Variants in EXD2 observed in about 807,000 individuals in gnomAD.
The protein encoded by EXD2 is exonuclease 3'-5' domain containing 2, also known as exonuclease 3'-5' domain-containing protein 2.
A neutral mutation model predicts 62.5 loss-of-function variants in EXD2; 40 were observed. The observed-to-expected ratio is 0.64, with a 90% CI of 0.50 to 0.83. EXD2 has a LOEUF of 0.83. Ranked by LOEUF, EXD2 falls within the 40% of genes least tolerant of loss-of-function variation. The pLI is 0.00. For synonymous variants in EXD2, 239 were observed against 291.9 expected (o/e 0.82, Z 1.85); for missense variants, 671 against 761.8 (o/e 0.88, Z 1.40).
At chr14:69,214,019 G>A (rs1222519193) in intron 3 of EXD2, 5 of 151,980 alleles carry the variant, frequency 3.3e-5, no homozygotes, top group Non-Finnish European at 1.5e-5. Flanking sequence ...TCATCATTTT[G>A]AAAATGTCTG....
intron 3 of EXD2, among the ~76,000 whole-genome samples, chr14:69,225,208 G>T (rs1209410887): frequency 6.6e-6 from 1 of 152,148 alleles, no homozygotes; most frequent in Non-Finnish European, 1.5e-5. Flanking sequence ...CAGACTAGGG[G>T]TGCTCATTAG....
chr14:69,223,689 A>G (rs996904112), intron 3 of EXD2, among the ~76,000 whole-genome samples: 1 of 152,188 alleles, frequency 6.6e-6, no homozygotes. Flanking sequence ...GAGACATTAA[A>G]TACCTTTTTG....
intron 3 of EXD2, among the ~76,000 whole-genome samples, chr14:69,218,448 A>T (rs1031980654): frequency 1.3e-5 from 2 of 152,054 alleles, no homozygotes; most frequent in African/African-American, 2.4e-5. Flanking sequence ...AGATGAGTAG[A>T]TTGCAAAAAT....
chr14:69,206,455 C>CTTTTTTTTTTTT (rs56333403), intron 2 of EXD2, among the ~76,000 whole-genome samples: 13 of 94,638 alleles, frequency 1.4e-4, no homozygotes, highest in African/African-American at 2.3e-4. Context: ...CACCCACCCA[C>CTTTTTTTTTTTT]TTTTTTTTTT....
intron 5 of EXD2, among the ~76,000 whole-genome samples, chr14:69,231,936 A>G (rs1008372704): frequency 7.1e-6 from 1 of 141,812 alleles, no homozygotes; most frequent in Non-Finnish European, 1.5e-5. Context: ...AAAAAAAAAA[A>G]GTCAGTAACT....
At chr14:69,229,601 T>C (rs2043496712) in intron 4 of EXD2, among the ~76,000 whole-genome samples, 1 of 152,308 alleles carries the variant, frequency 6.6e-6, no homozygotes, top group Admixed American at 6.5e-5. Flanking sequence ...CCTTTGAGTT[T>C]GTAGAGCCTG....
chr14:69,212,679 C>G (rs1383446199), intron 3 of EXD2, among the ~76,000 whole-genome samples: 1 of 143,230 alleles, frequency 7.0e-6, no homozygotes, highest in Non-Finnish European at 1.5e-5. Flanking sequence ...ACCACTGTCA[C>G]TTGGTTCCAA....
chr14:69,210,814 A>G (rs1392239163), intron 3 of EXD2, among the ~76,000 whole-genome samples: 3 of 151,616 alleles, frequency 2.0e-5, no homozygotes, highest in South Asian at 2.1e-4. Flanking sequence ...TGTCTCGGGG[A>G]AAAAAAAATG....
rs1037866578 is a variant in EXD2, at chr14:69,242,842, G to A, written c.*1742G>A. The A allele has an allele frequency of 6.6e-6, 1 of 152,214 alleles. No homozygotes were observed. The highest frequency in any genetic ancestry group is 2.4e-5 in the African/African-American group (1 of 41,446). The allele number at this position is 152,214 out of a possible 1,614,324, so 9.4% of individuals were successfully genotyped here. A position where few individuals can be genotyped will look rare whatever the true frequency, so the allele number is the denominator to read the frequency against. ...CTTGAGAAAAAAGCAACTGGTTACT[G>A]AACGTAACTCATGACTTATGTTTCA... On this transcript the variant is annotated 3_prime_UTR_variant, in exon 10 of 10. Coordinates refer to ENST00000685843, the MANE Select transcript of EXD2 (RefSeq NM_001193360.2).
Position 69,200,978 on chromosome 14 carries a change from G to A in EXD2, c.-131-2939G>A, listed in dbSNP as rs141010658. On this transcript the variant is annotated intron_variant, in intron 1 of 9. Coordinates refer to ENST00000685843, the MANE Select transcript of EXD2 (RefSeq NM_001193360.2). The stretch of plus-strand genomic sequence containing the variant: ...AGTCCTAGCTACTTGGGAGGCTGAG[G>A]CAGGAGAATTGCTTGAACTCGGGAG... Among the ~76,000 whole-genome samples the A allele has an allele frequency of 4.7e-3, 718 of 151,606 alleles. 1 individual carries two copies. The highest frequency in any genetic ancestry group is 0.014 in the African/African-American group (594 of 41,364).
chr14:69,199,470 CTT>C (rs1320504877), intron 1 of EXD2, among the ~76,000 whole-genome samples: 2 of 152,098 alleles, frequency 1.3e-5, no homozygotes, highest in Admixed American at 6.6e-5. Context: ...TTTACTATAA[CTT>C]TTTTATTTTA....
In EXD2 at chr14:69,237,630, C is replaced by T. The variant is rs754637120; in HGVS notation, c.1348C>T (p.His450Tyr). 6.2e-7 allele frequency: 1 copy of T among 1,614,234 alleles called. No individual in the cohort carries two copies. Among genetic ancestry groups the T allele is most frequent in the East Asian group, 2.2e-5 (1 of 44,888 alleles). The change falls in exon 9 of 10, where the codon CAC becomes TAC. Residue 450 changes from histidine to tyrosine, a missense_variant. By Grantham distance (83) the His-to-Tyr change is moderately conservative (BLOSUM62 2). Coordinates refer to ENST00000685843, the MANE Select transcript of EXD2 (RefSeq NM_001193360.2). ...RKHFPIEMKD[H>Y]NSHDVLLLCT... ...GCACTTCCCCATCGAGATGAAGGAC[C>T]ACAACTCCCACGATGTGCTGCTGCT...
At chr14:69,206,757 C>T (rs989087674) in intron 2 of EXD2, among the ~76,000 whole-genome samples, 6 of 152,198 alleles carry the variant, frequency 3.9e-5, no homozygotes, top group African/African-American at 4.8e-5. Context: ...GCTGGGATTA[C>T]AGGCATGAGC....
intron 3 of EXD2, among the ~76,000 whole-genome samples, chr14:69,212,097 T>C (rs1594746830): frequency 6.6e-6 from 1 of 152,248 alleles, no homozygotes; most frequent in East Asian, 1.9e-4. Flanking sequence ...AAAAATAGGC[T>C]GGGCGCGGTA....
Position 69,210,599 on chromosome 14 carries a change from G to A in EXD2, c.333+796G>A, listed in dbSNP as rs931972903. Among the ~76,000 whole-genome samples, 5 of 152,186 alleles carry A rather than the reference G, an allele frequency of 3.3e-5. No homozygotes were observed. In the South Asian group the frequency reaches 6.2e-4, roughly 19 times the overall value. On this transcript the variant is annotated intron_variant, in intron 3 of 9. Coordinates refer to ENST00000685843, the MANE Select transcript of EXD2 (RefSeq NM_001193360.2). ...AAGGTGGGGAAAATCAGTTGAGGCG[G>A]GGAGTTTAATACCAGTCAGCCAGGT...
At chr14:69,196,303 T>C (rs1378729007) in intron 1 of EXD2, 1 of 152,232 alleles carries the variant, frequency 6.6e-6, no homozygotes, top group Non-Finnish European at 1.5e-5. Flanking sequence ...TCAAATAAGG[T>C]CACATTCACA....
In EXD2 at chr14:69,242,627, C is replaced by A. The variant is rs1236013093; in HGVS notation, c.*1527C>A. 6.6e-6 allele frequency: 1 copy of A among 152,094 alleles called. No individual in the cohort carries two copies. The highest frequency in any genetic ancestry group is 1.5e-5 in the Non-Finnish European group (1 of 68,040). 9.4% of individuals were successfully genotyped at this position (152,094 alleles called of 1,614,324 possible). ...TAGAAATCCTTGAAAACAAATAGTACCAGCCACTTTGAGGAATGTGCATTC... is the reference window on the plus strand; with the variant it reads ...TAGAAATCCTTGAAAACAAATAGTAACAGCCACTTTGAGGAATGTGCATTC... On this transcript the variant is annotated 3_prime_UTR_variant, in exon 10 of 10. Transcript: ENST00000685843.
chr14:69,214,427 T>C (rs2042925238), intron 3 of EXD2, among the ~76,000 whole-genome samples: 1 of 152,236 alleles, frequency 6.6e-6, no homozygotes, highest in African/African-American at 2.4e-5. Flanking sequence ...CGATTTCTTC[T>C]GGTCTCTTTT....
At chr14:69,240,360 C>G (rs1393390338) in intron 9 of EXD2, among the ~76,000 whole-genome samples, 2 of 152,212 alleles carry the variant, frequency 1.3e-5, no homozygotes, top group African/African-American at 2.4e-5. Context: ...GTGACCGAAA[C>G]ACTTCTCACC....
Sources: gnomAD v4.1 joint callset for allele counts (sites outside exome capture counted in the v4.1 genomes callset) on GRCh38, gnomAD v4.1.1 for gene constraint, MANE v1.5 for transcripts, NCBI Gene and HGNC (gene_info 2026-07-23, HGNC 2026-07-21) for gene names.